Variants in SETD2 observed in about 807,000 individuals in gnomAD.
SETD2 encodes histone-lysine N-methyltransferase SETD2.
A neutral mutation model predicts 242.1 loss-of-function variants in SETD2; 31 were observed. That is an observed-to-expected ratio of 0.13 (90% confidence interval 0.10 to 0.17). The LOEUF is 0.17. Ranked by LOEUF, SETD2 falls within the 10% of genes least tolerant of loss-of-function variation. The pLI is 1.00. For synonymous variants in SETD2, 1,006 were observed against 1,066.5 expected (o/e 0.94, Z 1.11); for missense variants, 2,481 against 3,046.3 (o/e 0.81, Z 4.37).
In SETD2 at chr3:47,125,137, A is replaced by G. The variant is rs562439354; in HGVS notation, c.88-589T>C. ...AGTTCGAGACCAGCCTGGCCAACATAATGAAAACCCATCTCTACTAAAAAT... is the reference window on the plus strand; with the variant it reads ...AGTTCGAGACCAGCCTGGCCAACATGATGAAAACCCATCTCTACTAAAAAT... On this transcript the variant is annotated intron_variant, in intron 2 of 20. Transcript: ENST00000409792. 2.6e-5 allele frequency among the ~76,000 whole-genome samples: 4 copies of G among 151,884 alleles called. No individual in the cohort carries two copies. The East Asian group carries it at 5.8e-4, about 22-fold the overall frequency.
In SETD2 at chr3:47,128,127, C is replaced by T. The variant is rs2043389488; in HGVS notation, c.72-1464G>A. Among the ~76,000 whole-genome samples the T allele has an allele frequency of 2.6e-5, 4 of 152,146 alleles. No individual in the cohort carries two copies. In the South Asian group the frequency reaches 8.3e-4, roughly 32 times the overall value. Reference sequence around the variant, plus strand: ...ATAAGATGGAGTAGGAGGCAGTGGTCAGGTTTCTCATGAGAAGAATCATAT... The same window carrying T: ...ATAAGATGGAGTAGGAGGCAGTGGTTAGGTTTCTCATGAGAAGAATCATAT... On this transcript the variant is annotated intron_variant, in intron 1 of 20. Coordinates refer to ENST00000409792, the MANE Select transcript of SETD2 (RefSeq NM_014159.7).
At chr3:47,078,472 G>A (rs1461333591) in intron 12 of SETD2, among the ~76,000 whole-genome samples, 3 of 149,128 alleles carry the variant, frequency 2.0e-5, no homozygotes, top group African/African-American at 7.4e-5. Context: ...GGATACTAAG[G>A]AGACATACAA....
At chr3:47,164,236 G>A (rs780273178), upstream of SETD2, among the ~76,000 whole-genome samples, 86 of 152,326 alleles carry the variant, frequency 5.6e-4, no homozygotes, top group Non-Finnish European at 1.1e-3. This position sits in a 1 kb window ranked among gnomAD's most constrained non-coding sequence, Gnocchi z 5.4. Context: ...CCTTGCAGCT[G>A]TTGGCTTGAC....
chr3:47,108,272 T>A (rs2042517173), intron 5 of SETD2, among the ~76,000 whole-genome samples: 1 of 152,126 alleles, frequency 6.6e-6, no homozygotes, highest in Admixed American at 6.6e-5. Context: ...ATAAAAAATA[T>A]TTCCAATCCC....
Position 47,054,170 on chromosome 3 carries a change from C to A in SETD2, c.6963+2651G>T, listed in dbSNP as rs2039961821. On this transcript the variant is annotated intron_variant, in intron 15 of 20. Transcript: ENST00000409792. ...AGCCCATTTACCTACTACTTAAGTACACACAAAGTAGATTAGGGAATCAGT... is the reference window on the plus strand; with the variant it reads ...AGCCCATTTACCTACTACTTAAGTAAACACAAAGTAGATTAGGGAATCAGT... Among the ~76,000 whole-genome samples the A allele has an allele frequency of 2.6e-5, 4 of 152,146 alleles. No homozygotes were observed. The South Asian group carries it at 8.3e-4, about 32-fold the overall frequency.
At chr3:47,143,896 G>A (rs1369383642) in intron 1 of SETD2, among the ~76,000 whole-genome samples, 1 of 152,022 alleles carries the variant, frequency 6.6e-6, no homozygotes, top group African/African-American at 2.4e-5. Flanking sequence ...ACTTTTAGTA[G>A]AGACGGGGTT....
intron 5 of SETD2, among the ~76,000 whole-genome samples, chr3:47,111,079 T>TAAAAAAAAAAAAAAAAAAAAAAAAAAAAA (rs10672755): frequency 1.3e-5 from 1 of 78,816 alleles, no homozygotes; most frequent in Non-Finnish European, 2.3e-5. Context: ...GTGGTTCCTT[T>TAAAAAAAAAAAAAAAAAAAAAAAAAAAAA]AAAAAAAAAA....
At chr3:47,110,671 G>A (rs764574856) in intron 5 of SETD2, among the ~76,000 whole-genome samples, 13 of 151,980 alleles carry the variant, frequency 8.6e-5, no homozygotes, top group Admixed American at 1.3e-4. Context: ...AGTAAACAAC[G>A]CAAGAGTTTT....
chr3:47,109,179 C>T (rs568047108), intron 5 of SETD2, among the ~76,000 whole-genome samples: 1 of 152,204 alleles, frequency 6.6e-6, no homozygotes, highest in African/African-American at 2.4e-5. Context: ...ACGTCTGCAA[C>T]TCCCTTTAAG....
chr3:47,138,885 AG>A (rs749840919), intron 1 of SETD2, among the ~76,000 whole-genome samples: 1 of 152,198 alleles, frequency 6.6e-6, no homozygotes, highest in African/African-American at 2.4e-5. Flanking sequence ...ACTCCCCAGA[AG>A]GAATCTCAAT....
intron 1 of SETD2, among the ~76,000 whole-genome samples, chr3:47,156,042 C>T (rs928317898): frequency 5.9e-5 from 9 of 152,096 alleles, no homozygotes; most frequent in Middle Eastern, 3.2e-3. Flanking sequence ...GAGCAAAGAA[C>T]AATTAGCAAA....
chr3:47,143,658 C>T (rs1434178041), intron 1 of SETD2, among the ~76,000 whole-genome samples: 1 of 152,108 alleles, frequency 6.6e-6, no homozygotes, highest in Non-Finnish European at 1.5e-5. Context: ...AAACTTTTAT[C>T]AGAACTTTAT....
At chr3:47,036,612 G>A (rs2039006727) in intron 18 of SETD2, among the ~76,000 whole-genome samples, 1 of 151,886 alleles carries the variant, frequency 6.6e-6, no homozygotes, top group Non-Finnish European at 1.5e-5. Flanking sequence ...ACAACAGAAT[G>A]CAAAGAGAGG....
At chr3:47,142,107 G>A (rs144641050) in intron 1 of SETD2, among the ~76,000 whole-genome samples, 2 of 152,150 alleles carry the variant, frequency 1.3e-5, no homozygotes, top group African/African-American at 4.8e-5. Flanking sequence ...GGCTATCTGT[G>A]TGCTAGTAAA....
chr3:47,156,113 T>G (rs1439519654), intron 1 of SETD2, among the ~76,000 whole-genome samples: 2 of 152,098 alleles, frequency 1.3e-5, no homozygotes, highest in Non-Finnish European at 2.9e-5. Flanking sequence ...CGTAATAGAT[T>G]TATGGACAGA....
chr3:47,075,356 T>A (rs2041013324), intron 12 of SETD2, among the ~76,000 whole-genome samples: 1 of 151,408 alleles, frequency 6.6e-6, no homozygotes, highest in African/African-American at 2.4e-5. Context: ...GGTCGGGAGT[T>A]CGAGACCAGC....
chr3:47,140,840 G>A (rs575452481), intron 1 of SETD2, among the ~76,000 whole-genome samples: 1 of 152,238 alleles, frequency 6.6e-6, no homozygotes, highest in Non-Finnish European at 1.5e-5. Flanking sequence ...TCCAGCCTGG[G>A]TGACACAGCG....
At chr3:47,079,849 C>T (rs114818993) in intron 12 of SETD2, among the ~76,000 whole-genome samples, 3,145 of 152,266 alleles carry the variant, frequency 0.021, 52 homozygotes, top group Non-Finnish European at 0.031. Context: ...AAATTTTAGA[C>T]CATTTTTGCC....
At chr3:47,152,692 G>A (rs2044016631) in intron 1 of SETD2, among the ~76,000 whole-genome samples, 1 of 152,076 alleles carries the variant, frequency 6.6e-6, no homozygotes, top group Non-Finnish European at 1.5e-5. Flanking sequence ...TACGATAATA[G>A]TCCTCCCCAA....
Sources: gnomAD v4.1 joint callset for allele counts (sites outside exome capture counted in the v4.1 genomes callset) on GRCh38, gnomAD v4.1.1 for gene constraint, Gnocchi (gnomAD v3.1) non-coding constraint, MANE v1.5 for transcripts, NCBI Gene and HGNC (gene_info 2026-07-23, HGNC 2026-07-21) for gene names.